SHC3: variants seen among roughly 807,000 people sequenced by gnomAD.
The protein encoded by SHC3 is SHC adaptor protein 3.
SHC3 carries 15 observed loss-of-function variants against 60.4 expected under a neutral mutation model. That is an observed-to-expected ratio of 0.25 (90% CI 0.17 to 0.38). SHC3 has a LOEUF of 0.38. SHC3 is among the 10% of genes least tolerant of loss of function. The pLI, the probability that SHC3 is intolerant of heterozygous loss-of-function variation, is 1.00. For synonymous variants in SHC3, 294 were observed against 325.9 expected (o/e 0.90, Z 1.05); for missense variants, 677 against 786.1 (o/e 0.86, Z 1.66).
chr9:89,147,174 AT>A (rs1210894603), intron 1 of SHC3, among the ~76,000 whole-genome samples: 8 of 132,952 alleles, frequency 6.0e-5, no homozygotes, highest in Admixed American at 1.5e-4. Flanking sequence ...TAAAAAAAAA[AT>A]TAAAAAAAAA....
At chr9:89,138,480 C>T (rs1826350100) in intron 1 of SHC3, among the ~76,000 whole-genome samples, 1 of 152,174 alleles carries the variant, frequency 6.6e-6, no homozygotes, top group African/African-American at 2.4e-5. Context: ...GTGAGGACAA[C>T]CAGAGGTCAC....
rs1322032355 is a variant in SHC3, at chr9:89,022,978, A to G, written c.1657-9403T>C. On this transcript the variant is annotated intron_variant, in intron 11 of 11. Coordinates refer to ENST00000375835, the MANE Select transcript of SHC3 (RefSeq NM_016848.6). The stretch of plus-strand genomic sequence containing the variant: ...TTTGCTCAAATTCTTCTAAATCAAG[A>G]AGACAAGAACTGAGGTCTCACAACA... 2.0e-5 allele frequency among the ~76,000 whole-genome samples: 3 copies of G among 152,184 alleles called. No individual in the cohort carries two copies. The East Asian group carries it at 5.8e-4, about 29-fold the overall frequency.
intron 1 of SHC3, among the ~76,000 whole-genome samples, chr9:89,154,320 T>C (rs1379228336): frequency 1.3e-5 from 2 of 152,160 alleles, no homozygotes; most frequent in East Asian, 3.8e-4. Flanking sequence ...GACACCCCGA[T>C]TTAGAGTTAA....
intron 1 of SHC3, among the ~76,000 whole-genome samples, chr9:89,116,590 C>T (rs1035094776): frequency 1.3e-5 from 2 of 152,112 alleles, no homozygotes; most frequent in Non-Finnish European, 2.9e-5. Context: ...ATGTGAACAC[C>T]ATAAACAATG....
chr9:89,035,228 A>G (rs1824551756), intron 11 of SHC3, among the ~76,000 whole-genome samples: 1 of 152,142 alleles, frequency 6.6e-6, no homozygotes, highest in South Asian at 2.1e-4. Flanking sequence ...TGTCAGCCCC[A>G]CGACCTGGCG....
intron 5 of SHC3, among the ~76,000 whole-genome samples, chr9:89,067,379 A>T (rs1825200778): frequency 6.6e-6 from 1 of 152,180 alleles, no homozygotes; most frequent in Non-Finnish European, 1.5e-5. Context: ...ATTTTAAAAA[A>T]TTTTTATTTT....
intron 11 of SHC3, among the ~76,000 whole-genome samples, chr9:89,020,070 A>C (rs1428314619): frequency 6.6e-6 from 1 of 152,120 alleles, no homozygotes; most frequent in Non-Finnish European, 1.5e-5. Flanking sequence ...ACTGTTAAAA[A>C]TGTGTATTGT....
chr9:89,074,691 CAAAAAAAAAAAA>C (rs68051828), intron 4 of SHC3, among the ~76,000 whole-genome samples: 2 of 59,926 alleles, frequency 3.3e-5, no homozygotes, highest in Non-Finnish European at 5.8e-5. Flanking sequence ...GCCACTAAAG[CAAAAAAAAAAAA>C]AAAAAAAAAA....
chr9:89,115,424 GAT>G (rs931523884), intron 1 of SHC3, among the ~76,000 whole-genome samples: 31 of 152,130 alleles, frequency 2.0e-4, no homozygotes, highest in African/African-American at 7.2e-4. Flanking sequence ...CACTGTCAGA[GAT>G]ATTATAAATA....
chr9:89,113,964 A>G (rs1825986707), intron 1 of SHC3, among the ~76,000 whole-genome samples: 3 of 152,218 alleles, frequency 2.0e-5, no homozygotes, highest in African/African-American at 7.2e-5. Flanking sequence ...GACCAATGTC[A>G]CAGAGTTATG....
intron 1 of SHC3, among the ~76,000 whole-genome samples, chr9:89,121,783 C>A (rs1438731097): frequency 1.3e-5 from 2 of 152,106 alleles, no homozygotes; most frequent in Non-Finnish European, 2.9e-5. Flanking sequence ...GAATTATAAA[C>A]AAATAATGCT....
chr9:89,079,255 C>T (rs1236489751), intron 2 of SHC3, among the ~76,000 whole-genome samples: 3 of 152,208 alleles, frequency 2.0e-5, no homozygotes, highest in Non-Finnish European at 4.4e-5. Flanking sequence ...AAAGTACTTT[C>T]TAAAAGCTAA....
chr9:89,099,226 A>G (rs942044499), intron 2 of SHC3, among the ~76,000 whole-genome samples: 15 of 152,210 alleles, frequency 9.9e-5, no homozygotes, highest in African/African-American at 3.6e-4. Flanking sequence ...CCTATCACTT[A>G]GGCTTTTTCT....
intron 2 of SHC3, among the ~76,000 whole-genome samples, chr9:89,095,750 CA>C (rs934907156): frequency 6.6e-6 from 1 of 152,152 alleles, no homozygotes; most frequent in African/African-American, 2.4e-5. Flanking sequence ...ACCTCCAGGG[CA>C]GGGACAGACA....
chr9:89,137,633 G>C (rs1826337272), intron 1 of SHC3, among the ~76,000 whole-genome samples: 1 of 152,138 alleles, frequency 6.6e-6, no homozygotes, highest in South Asian at 2.1e-4. Context: ...TTAGCTTTCT[G>C]AATGAGAAAT....
At chr9:89,063,676 C>T (rs1368789678) in intron 6 of SHC3, among the ~76,000 whole-genome samples, 1 of 152,248 alleles carries the variant, frequency 6.6e-6, no homozygotes, top group East Asian at 1.9e-4. Flanking sequence ...CCAGCCCAGA[C>T]TCTCTAGCTA....
intron 11 of SHC3, among the ~76,000 whole-genome samples, chr9:89,021,930 A>G (rs1826208359): frequency 6.6e-6 from 1 of 152,178 alleles, no homozygotes; most frequent in South Asian, 2.1e-4. Flanking sequence ...TTCCAGAGCA[A>G]GACTACGGGG....
chr9:89,017,565 T>C (rs1826118032), intron 11 of SHC3, among the ~76,000 whole-genome samples: 1 of 152,094 alleles, frequency 6.6e-6, no homozygotes, highest in African/African-American at 2.4e-5. Context: ...ACCTAGGCAA[T>C]ACATTCAGGA....
chr9:89,090,575 G>A (rs1008599021), intron 2 of SHC3, among the ~76,000 whole-genome samples: 2 of 152,220 alleles, frequency 1.3e-5, no homozygotes, highest in African/African-American at 4.8e-5. Flanking sequence ...AGGCTGCACA[G>A]GGCCTTGGAG....
Sources: gnomAD v4.1 joint callset for allele counts (sites outside exome capture counted in the v4.1 genomes callset) on GRCh38, gnomAD v4.1.1 for gene constraint, MANE v1.5 for transcripts, NCBI Gene and HGNC (gene_info 2026-07-23, HGNC 2026-07-21) for gene names.